The following EZH2 variants were observed in gnomAD, a reference collection of about 807,000 sequenced individuals.
The protein encoded by EZH2 is enhancer of zeste 2 polycomb repressive complex 2 subunit, also known as histone-lysine N-methyltransferase EZH2.
Under a neutral mutation model 98.4 loss-of-function variants are expected in EZH2, and 18 were observed. The observed-to-expected ratio is 0.18, with a 90% CI of 0.13 to 0.27. The LOEUF is 0.27. Ranked by LOEUF, EZH2 falls within the 10% of genes least tolerant of loss-of-function variation. The pLI, the probability that EZH2 is intolerant of heterozygous loss-of-function variation, is 1.00. For synonymous variants in EZH2, 338 were observed against 312.3 expected (o/e 1.08, Z -0.87); for missense variants, 470 against 935.1 (o/e 0.50, Z 6.49).
intron 1 of EZH2, among the ~76,000 whole-genome samples, chr7:148,880,086 A>C (rs1013703462): frequency 6.6e-6 from 1 of 152,212 alleles, no homozygotes; most frequent in Non-Finnish European, 1.5e-5. Context: ...GCTATTGTTA[A>C]TGGAAAACAA....
At position 148,817,941 on chromosome 7, in the gene EZH2, T is replaced by A; in HGVS notation, c.1176A>T (p.Glu392Asp). ...DTDSDREAGT[E>D]TGGENNDKEE... The stretch of plus-strand genomic sequence containing the variant: ...CTTTATCATTGTTCTCTCCCCCCGT[T>A]TCAGTCCCTGCTTCCCTATCACTGT... Residue 392 changes from glutamate (E) to aspartate (D), a missense_variant, in exon 10 of 20, where the codon GAA becomes GAT. Transcript: ENST00000320356. 6.2e-7 allele frequency: 1 copy of A among 1,614,186 alleles called. No homozygotes were observed. Among genetic ancestry groups the A allele is most frequent in the Non-Finnish European group, 8.5e-7 (1 of 1,180,030 alleles).
chr7:148,836,798 T>C, intron 3 of EZH2: 1 of 488,002 alleles, frequency 2.0e-6, no homozygotes, highest in Middle Eastern at 4.1e-4. Flanking sequence ...GTAACCAGGT[T>C]CCTCTGAGGA....
At chr7:148,863,423 TAA>T (rs1817990699) in intron 1 of EZH2, among the ~76,000 whole-genome samples, 1 of 152,142 alleles carries the variant, frequency 6.6e-6, no homozygotes, top group Non-Finnish European at 1.5e-5. Flanking sequence ...AGTGCCAAAT[TAA>T]GAGACTAATA....
intron 1 of EZH2, among the ~76,000 whole-genome samples, chr7:148,854,102 A>G (rs1440918413): frequency 6.6e-6 from 1 of 152,214 alleles, no homozygotes; most frequent in Non-Finnish European, 1.5e-5. Flanking sequence ...CAATAACTGA[A>G]TAATTTGAAA....
chr7:148,824,161 A>AAAAATTAGCTGGACGTGGTGGCAGGCGCC (rs1554495018), intron 8 of EZH2, among the ~76,000 whole-genome samples: 9 of 151,602 alleles, frequency 5.9e-5, no homozygotes, highest in Non-Finnish European at 1.0e-4. Context: ...CTAAAAATAC[A>AAAAATTAGCTGGACGTGGTGGCAGGCGCC]AAAATTAGCT....
intron 3 of EZH2, among the ~76,000 whole-genome samples, chr7:148,844,242 G>A (rs1479646478): frequency 6.6e-6 from 1 of 152,058 alleles, no homozygotes; most frequent in Non-Finnish European, 1.5e-5. Context: ...TTAAACGAAA[G>A]AAAAAATAAA....
chr7:148,861,926 T>C (rs1249929558), intron 1 of EZH2, among the ~76,000 whole-genome samples: 5 of 152,246 alleles, frequency 3.3e-5, no homozygotes, highest in Non-Finnish European at 7.3e-5. Flanking sequence ...TTCCAATATG[T>C]TGTTTTGGTT....
Position 148,816,765 on chromosome 7 carries a change from C to G in EZH2, c.1424G>C (p.Arg475Thr), listed in dbSNP as rs1336390351. Residue 475 changes from arginine to threonine, a missense_variant, in exon 12 of 20, where the codon AGA becomes ACA. Physicochemically the swap from Arg to Thr is moderately conservative, Grantham distance 71. Around this residue, in one of 6 missense-constraint regions of EZH2, gnomAD observed 192 missense variants for 306.8 expected, o/e 0.63. Transcript: ENST00000320356. Reference sequence around the variant, plus strand: ...AGCTATGATGCTAGATTCTTTGACTCTAAACTCATACACCTGACAAGAGGC... The same window carrying G: ...AGCTATGATGCTAGATTCTTTGACTGTAAACTCATACACCTGACAAGAGGC... ...TKTCRQVYEF[R>T]VKESSIIAPA... is the part of the protein sequence containing the mutation. 8.7e-6 allele frequency: 14 copies of G among 1,613,694 alleles called. No homozygotes were observed. Among genetic ancestry groups the G allele is most frequent in the Middle Eastern group, 1.6e-4 (1 of 6,084 alleles).
At chr7:148,850,776 G>A (rs147406404) in intron 1 of EZH2, among the ~76,000 whole-genome samples, 351 of 152,156 alleles carry the variant, frequency 2.3e-3, no homozygotes, top group African/African-American at 7.8e-3. Context: ...ACCCCACAGC[G>A]GATGCCTAAA....
chr7:148,839,775 G>C (rs749299126), intron 3 of EZH2, among the ~76,000 whole-genome samples: 1 of 152,036 alleles, frequency 6.6e-6, no homozygotes, highest in Non-Finnish European at 1.5e-5. Flanking sequence ...TAGAATTCCT[G>C]ATCTCAAAAG....
chr7:148,854,820 ATTTATT>A (rs1816538814), intron 1 of EZH2, among the ~76,000 whole-genome samples: 1 of 152,214 alleles, frequency 6.6e-6, no homozygotes, highest in Non-Finnish European at 1.5e-5. Context: ...TGGCAATTTC[ATTTATT>A]TTTAATGTTA....
At chr7:148,821,005 T>G (rs990565792) in intron 8 of EZH2, 4 of 152,182 alleles carry the variant, frequency 2.6e-5, no homozygotes, top group Non-Finnish European at 4.4e-5. Context: ...CTAAAGTAGG[T>G]AGAAAAGACA....
intron 1 of EZH2, among the ~76,000 whole-genome samples, chr7:148,854,671 T>C (rs1201040195): frequency 6.6e-6 from 1 of 152,246 alleles, no homozygotes; most frequent in African/African-American, 2.4e-5. Context: ...ATGATTACAA[T>C]ATTCTCAATG....
In EZH2 at chr7:148,873,491, C is replaced by CAAAAA. The variant is rs1162280467; in HGVS notation, c.-8+10668_-8+10672dup. 2.5e-3 allele frequency among the ~76,000 whole-genome samples: 146 copies of CAAAAA among 58,506 alleles called. 4 individuals are homozygous for CAAAAA. The highest frequency in any genetic ancestry group is 3.0e-3 in the African/African-American group (48 of 16,084). The allele number at this position is 58,506 out of a possible 152,430, so 38.4% of individuals were successfully genotyped here. A position where few individuals can be genotyped will look rare whatever the true frequency, so the allele number is the denominator to read the frequency against. Reference sequence around the variant, plus strand: ...TGGGTGACAGAGTGAGACTCTGTCTCAAAAAAAAAAAAAAAAAAAGAAAGA... The same window carrying CAAAAA: ...TGGGTGACAGAGTGAGACTCTGTCTCAAAAAAAAAAAAAAAAAAAAAAAAGAAAGA... On this transcript the variant is annotated intron_variant, in intron 1 of 19. Transcript: ENST00000320356.
intron 1 of EZH2, among the ~76,000 whole-genome samples, chr7:148,871,435 G>C (rs984880962): frequency 9.1e-6 from 1 of 109,420 alleles, no homozygotes; most frequent in Non-Finnish European, 1.9e-5. Flanking sequence ...AGAAGAGGAA[G>C]AATAAGACTG....
intron 4 of EZH2, among the ~76,000 whole-genome samples, chr7:148,831,746 G>C (rs985783163): frequency 4.6e-5 from 7 of 152,230 alleles, no homozygotes; most frequent in Admixed American, 3.9e-4. Flanking sequence ...CTTCCCCAAA[G>C]CAGGTTCACC....
At chr7:148,847,425 C>T (rs1814434190) in intron 1 of EZH2, 120 bp from the exon 2 acceptor site, 1 of 1,254,282 alleles carries the variant, frequency 8.0e-7, no homozygotes, top group Non-Finnish European at 1.1e-6. Context: ...ACACTGTTGG[C>T]ATTTACAGAA....
At chr7:148,817,709 G>C (rs1336366956) in intron 10 of EZH2, 168 bp downstream of exon 10, 8 of 933,976 alleles carry the variant, frequency 8.6e-6, no homozygotes, top group South Asian at 4.8e-5. Flanking sequence ...CTAGGGTACG[G>C]GTGCAGGCAG....
Position 148,849,985 on chromosome 7 carries a change from T to C in EZH2, c.-7-2680A>G, listed in dbSNP as rs147475333. Among the ~76,000 whole-genome samples, 33 of 152,284 alleles carry C rather than the reference T, an allele frequency of 2.2e-4. No individual in the cohort carries two copies. In the East Asian group the frequency reaches 6.4e-3, roughly 29 times the overall value. On this transcript the variant is annotated intron_variant, in intron 1 of 19. Coordinates refer to ENST00000320356, the MANE Select transcript of EZH2 (RefSeq NM_004456.5). ...CAATAAGGCCTAGGGTAGTAACGTG[T>C]TTAGTTTTCACTGATGTATAATGTG...
Sources: allele counts gnomAD v4.1 joint callset (sites outside exome capture counted in the v4.1 genomes callset), GRCh38; gene constraint gnomAD v4.1.1; regional missense constraint gnomAD v4.1.1; transcripts MANE v1.5; gene names NCBI Gene and HGNC (gene_info 2026-07-23, HGNC 2026-07-21).